PPFIBP1: variants seen among roughly 807,000 people sequenced by gnomAD.
PPFIBP1 encodes the protein liprin-beta-1.
In PPFIBP1, 112 loss-of-function variants were observed where a neutral mutation model predicts 137.8. The observed-to-expected ratio is 0.81, with a 90% confidence interval of 0.70 to 0.95. The LOEUF is 0.95. Ranked by LOEUF, PPFIBP1 falls within the 40% of genes least tolerant of loss-of-function variation. The pLI is 0.00. For synonymous variants in PPFIBP1, 378 were observed against 417.3 expected (o/e 0.91, Z 1.15); for missense variants, 1,083 against 1,196.6 (o/e 0.91, Z 1.40).
chr12:27,675,760 T>C (rs983609206), intron 17 of PPFIBP1, among the ~76,000 whole-genome samples: 1 of 152,226 alleles, frequency 6.6e-6, no homozygotes, highest in Admixed American at 6.5e-5. Context: ...CTTCATGACA[T>C]TGATCTAGGC....
intron 2 of PPFIBP1, among the ~76,000 whole-genome samples, chr12:27,595,898 T>A (rs1207779039): frequency 0.15 from 13,537 of 90,744 alleles, 851 homozygotes; most frequent in East Asian, 0.38. Context: ...TATATATATA[T>A]ATATATATAT....
intron 1 of PPFIBP1, among the ~76,000 whole-genome samples, chr12:27,533,858 G>A (rs1233555020): frequency 6.6e-6 from 1 of 152,186 alleles, no homozygotes; most frequent in Non-Finnish European, 1.5e-5. Flanking sequence ...GCAGAGAAGT[G>A]GAGGATGATG....
intron 8 of PPFIBP1, chr12:27,655,160 T>C (rs1266077704): frequency 2.1e-5 from 32 of 1,535,148 alleles, no homozygotes; most frequent in African/African-American, 2.7e-5. Context: ...TGGCCAAACT[T>C]TCTAGCATGA....
intron 2 of PPFIBP1, among the ~76,000 whole-genome samples, chr12:27,579,799 G>C (rs1186265122): frequency 6.6e-6 from 1 of 152,104 alleles, no homozygotes; most frequent in Non-Finnish European, 1.5e-5. Flanking sequence ...TGAACTTTAG[G>C]TAGCCAAGTG....
Position 27,647,671 on chromosome 12 carries a change from G to A in PPFIBP1, c.358-58G>A, listed in dbSNP as rs544933513. 257 of 1,007,162 alleles carry A rather than the reference G, an allele frequency of 2.6e-4. 3 individuals carry two copies. In the South Asian group the frequency reaches 4.7e-3, roughly 18 times the overall value. 62.4% of individuals were successfully genotyped at this position (1,007,162 alleles called of 1,614,324 possible). The stretch of plus-strand genomic sequence containing the variant: ...TTTTTGTTCCATTTAGAGAAATAAC[G>A]TATGCAGTGGGACCCAAATTCTTTT... On this transcript the variant is annotated intron_variant, in intron 5 of 29. Coordinates refer to ENST00000228425, the MANE Select transcript of PPFIBP1 (RefSeq NM_003622.4).
intron 24 of PPFIBP1, among the ~76,000 whole-genome samples, chr12:27,685,225 A>G (rs911821518): frequency 3.3e-5 from 5 of 151,970 alleles, no homozygotes; most frequent in African/African-American, 1.2e-4. Context: ...ATGTATATAT[A>G]TATATACACA....
chr12:27,631,350 A>ATC lies in PPFIBP1; in HGVS notation c.-35-2012_-35-2011insTC, dbSNP rs1262382444. Among the ~76,000 whole-genome samples the ATC allele has an allele frequency of 3.9e-4, 60 of 152,230 alleles. 1 individual carries two copies. The Middle Eastern group carries it at 0.027, about 70-fold the overall frequency. ...AGAGAAGTCTTTGGCCTTTGATTCT[A>ATC]ATGCCAGTCCCTGGCTACCTGTTTA... is the stretch of plus-strand genomic sequence containing the variant. On this transcript the variant is annotated intron_variant, in intron 2 of 29. Transcript: ENST00000228425.
At position 27,692,810 on chromosome 12, in the gene PPFIBP1, A is replaced by T. The variant is rs1269606584; in HGVS notation, c.2946A>T (p.Glu982Asp). The T allele has an allele frequency of 1.9e-6, 3 of 1,614,056 alleles. No individual in the cohort carries two copies. The highest frequency in any genetic ancestry group is 1.1e-5 in the South Asian group (1 of 91,082). Residue 982 changes from glutamate to aspartate, a missense_variant, in exon 30 of 30, where the codon GAA becomes GAT. Physicochemically the swap from Glu to Asp is conservative, Grantham distance 45 (BLOSUM62 2). Coordinates refer to ENST00000228425, the MANE Select transcript of PPFIBP1 (RefSeq NM_003622.4). ...TTGTTTTCCAGCACATGTTAAAAGA[A>T]GATGACATGTTTAAAGATTTTGCTG... is the stretch of plus-strand genomic sequence containing the variant. Reference protein sequence around the residue: ...GINNLTHMLKEDDMFKDFAAR... With the variant: ...GINNLTHMLKDDDMFKDFAAR...
At position 27,647,842 on chromosome 12, in the gene PPFIBP1, G is replaced by C; in HGVS notation, c.471G>C (p.Gln157His). Reference sequence around the variant, plus strand: ...ATGCCACAGAAGAAATGCTGCAGCAGGTATGTGCAGAGGCCAGAACCAAGA... The same window carrying C: ...ATGCCACAGAAGAAATGCTGCAGCACGTATGTGCAGAGGCCAGAACCAAGA... ...KVNATEEMLQ[Q>H]ELLSRTSLET... Residue 157 changes from glutamine to histidine, a missense_variant and splice_region_variant, in exon 6 of 30, where the codon CAG becomes CAC. Transcript: ENST00000228425. The C allele has an allele frequency of 6.2e-7, 1 of 1,611,162 alleles. No homozygotes were observed. The highest frequency in any genetic ancestry group is 8.5e-7 in the Non-Finnish European group (1 of 1,178,830).
At chr12:27,591,617 C>T (rs1232558134) in intron 2 of PPFIBP1, among the ~76,000 whole-genome samples, 2 of 152,190 alleles carry the variant, frequency 1.3e-5, no homozygotes, top group African/African-American at 4.8e-5. Flanking sequence ...AGAATGTCTA[C>T]TTGCAACAAC....
chr12:27,603,913 G>C (rs1401896130), intron 2 of PPFIBP1, among the ~76,000 whole-genome samples: 2 of 152,144 alleles, frequency 1.3e-5, no homozygotes, highest in Non-Finnish European at 2.9e-5. Context: ...TATGTTTGTG[G>C]GGAAGGAGGA....
chr12:27,678,657 A>G (rs575988761), intron 19 of PPFIBP1, among the ~76,000 whole-genome samples: 33 of 152,202 alleles, frequency 2.2e-4, no homozygotes, highest in Middle Eastern at 3.4e-3. Context: ...CAGGAGTTCA[A>G]GACCAGCCTG....
At chr12:27,606,049 T>A (rs1229859273) in intron 2 of PPFIBP1, among the ~76,000 whole-genome samples, 1 of 152,178 alleles carries the variant, frequency 6.6e-6, no homozygotes, top group Non-Finnish European at 1.5e-5. Flanking sequence ...TAGTGAAAAT[T>A]TAATTAGACA....
At chr12:27,562,080 G>A (rs1014491580) in intron 1 of PPFIBP1, among the ~76,000 whole-genome samples, 1 of 151,860 alleles carries the variant, frequency 6.6e-6, no homozygotes, top group African/African-American at 2.4e-5. Context: ...ATGAACTAGC[G>A]ACCCTCCTCT....
chr12:27,683,434 T>G (rs777309190), intron 24 of PPFIBP1, among the ~76,000 whole-genome samples: 28 of 152,228 alleles, frequency 1.8e-4, no homozygotes, highest in Non-Finnish European at 2.9e-4. Context: ...GGTTTCTATG[T>G]GCAATGACCA....
intron 19 of PPFIBP1, among the ~76,000 whole-genome samples, chr12:27,679,187 G>A (rs1232527237): frequency 2.0e-5 from 3 of 152,154 alleles, no homozygotes; most frequent in Non-Finnish European, 4.4e-5. Context: ...ACAGTACCAC[G>A]TGCTATGGAA....
intron 2 of PPFIBP1, among the ~76,000 whole-genome samples, chr12:27,614,597 G>C (rs1020238796): frequency 6.6e-6 from 1 of 152,092 alleles, no homozygotes; most frequent in Non-Finnish European, 1.5e-5. Context: ...CTACTAATGG[G>C]CCAGTTGTCA....
intron 2 of PPFIBP1, among the ~76,000 whole-genome samples, chr12:27,608,210 A>C (rs1326030339): frequency 6.6e-6 from 1 of 152,200 alleles, no homozygotes; most frequent in Admixed American, 6.5e-5. Flanking sequence ...AGTCTTTCAC[A>C]GCATAATGCA....
chr12:27,654,621 A>C, intron 7 of PPFIBP1, 101 bp from the exon 8 acceptor site: 3 of 1,416,972 alleles, frequency 2.1e-6, no homozygotes, highest in Non-Finnish European at 2.8e-6. Context: ...CTTTAACCCT[A>C]GGAGCTGGTG....
Sources: allele counts gnomAD v4.1 joint callset (sites outside exome capture counted in the v4.1 genomes callset), GRCh38; gene constraint gnomAD v4.1.1; transcripts MANE v1.5; gene names NCBI Gene and HGNC (gene_info 2026-07-23, HGNC 2026-07-21).